ANKS1B: variants seen among roughly 807,000 people sequenced by gnomAD.
ANKS1B encodes the protein ankyrin repeat and sterile alpha motif domain containing 1B.
ANKS1B carries 36 observed loss-of-function variants against 148.3 expected under a neutral mutation model. The observed-to-expected ratio is 0.24, with a 90% CI of 0.19 to 0.32. The LOEUF is 0.32. Among genes scored for constraint, ANKS1B ranks in the 10% least tolerant of loss-of-function variants. The pLI is 1.00. For missense variants in ANKS1B, 1,157 were observed against 1,542.6 expected, an observed-to-expected ratio of 0.75 and a Z score of 4.19; for synonymous variants, 542 against 560.8, an observed-to-expected ratio of 0.97 and a Z score of 0.47.
intron 17 of ANKS1B, among the ~76,000 whole-genome samples, chr12:98,942,981 A>G (rs189228204): frequency 6.6e-6 from 1 of 152,344 alleles, no homozygotes; most frequent in Admixed American, 6.5e-5. Flanking sequence ...AGAAAATTTC[A>G]GTCTTAAAAA....
intron 15 of ANKS1B, among the ~76,000 whole-genome samples, chr12:99,124,565 G>A (rs879791397): frequency 6.6e-6 from 1 of 152,250 alleles, no homozygotes; most frequent in Admixed American, 6.5e-5. Context: ...CAGAGTTCAG[G>A]AGAGATGTCT....
At chr12:99,745,620 C>T (rs1216621014) in intron 8 of ANKS1B, among the ~76,000 whole-genome samples, 1 of 151,994 alleles carries the variant, frequency 6.6e-6, no homozygotes, top group African/African-American at 2.4e-5. Flanking sequence ...TTTGTAAGCA[C>T]AAATTGTAAG....
chr12:99,591,443 TA>T (rs1242026578), intron 9 of ANKS1B, among the ~76,000 whole-genome samples: 2 of 152,036 alleles, frequency 1.3e-5, no homozygotes, highest in Admixed American at 1.3e-4. Flanking sequence ...TCTATATTGG[TA>T]AAAATAATAT....
intron 17 of ANKS1B, among the ~76,000 whole-genome samples, chr12:98,958,976 A>G (rs2099866860): frequency 2.6e-5 from 4 of 152,222 alleles, no homozygotes; most frequent in Admixed American, 2.6e-4. Flanking sequence ...TAATTATAAC[A>G]GCTTAATGGC....
chr12:98,860,517 C>T lies in ANKS1B; in HGVS notation c.2779-28381G>A, dbSNP rs1206200411. Among the ~76,000 whole-genome samples the T allele has an allele frequency of 2.0e-5, 3 of 152,160 alleles. No homozygotes were observed. The East Asian group carries it at 5.8e-4, about 29-fold the overall frequency. On this transcript the variant is annotated intron_variant, in intron 17 of 26. Coordinates refer to ENST00000683438, the MANE Select transcript of ANKS1B (RefSeq NM_001352186.2). Reference sequence around the variant, plus strand: ...TTAGAAGGCAAAAATAAAAAAAGAGCCAGACATTATAAGCCCGTCAATGGA... The same window carrying T: ...TTAGAAGGCAAAAATAAAAAAAGAGTCAGACATTATAAGCCCGTCAATGGA...
chr12:99,639,221 G>A (rs765018610), intron 9 of ANKS1B, among the ~76,000 whole-genome samples: 1 of 152,182 alleles, frequency 6.6e-6, no homozygotes, highest in African/African-American at 2.4e-5. Flanking sequence ...AGACTTGCAC[G>A]GGGCCTGTAG....
intron 9 of ANKS1B, among the ~76,000 whole-genome samples, chr12:99,602,634 T>C (rs974662633): frequency 2.6e-5 from 4 of 152,034 alleles, no homozygotes; most frequent in Non-Finnish European, 4.4e-5. Flanking sequence ...GGCATGAAGG[T>C]TGTTCATACA....
chr12:99,632,762 TATA>T (rs1567523031), intron 9 of ANKS1B, among the ~76,000 whole-genome samples: 2 of 85,708 alleles, frequency 2.3e-5, no homozygotes, highest in African/African-American at 4.2e-5. Context: ...TATATATATA[TATA>T]TATTTTAATT....
At chr12:98,861,064 A>G (rs1420700649) in intron 17 of ANKS1B, among the ~76,000 whole-genome samples, 1 of 152,132 alleles carries the variant, frequency 6.6e-6, no homozygotes, top group Non-Finnish European at 1.5e-5. Flanking sequence ...AGACTCAAAA[A>G]TTCCTGACCC....
chr12:98,897,135 T>C (rs2099765812), intron 17 of ANKS1B, among the ~76,000 whole-genome samples: 2 of 152,164 alleles, frequency 1.3e-5, no homozygotes, highest in South Asian at 4.1e-4. Flanking sequence ...CTAGTGAAAA[T>C]GCTTCTTGGG....
chr12:99,058,574 A>C (rs1469686729), intron 16 of ANKS1B, among the ~76,000 whole-genome samples: 5 of 151,892 alleles, frequency 3.3e-5, no homozygotes, highest in African/African-American at 1.2e-4. Context: ...TATTAACCCT[A>C]AACTAAGTAA....
chr12:99,707,655 C>A (rs1390283152), intron 8 of ANKS1B, among the ~76,000 whole-genome samples: 2 of 151,900 alleles, frequency 1.3e-5, no homozygotes, highest in African/African-American at 4.8e-5. Context: ...TGAAATGGTG[C>A]AGCTTACAGT....
At chr12:99,226,305 T>C (rs1388684989) in intron 14 of ANKS1B, among the ~76,000 whole-genome samples, 2 of 152,204 alleles carry the variant, frequency 1.3e-5, no homozygotes, top group African/African-American at 4.8e-5. Context: ...ATCACAACCA[T>C]TTCATGTGTC....
At chr12:99,051,929 G>A (rs2099966345) in intron 17 of ANKS1B, among the ~76,000 whole-genome samples, 1 of 151,814 alleles carries the variant, frequency 6.6e-6, no homozygotes. Context: ...CGGGACTTTT[G>A]GCGAGAAAGT....
intron 8 of ANKS1B, among the ~76,000 whole-genome samples, chr12:99,687,620 T>C (rs911654698): frequency 6.6e-6 from 1 of 152,188 alleles, no homozygotes; most frequent in Non-Finnish European, 1.5e-5. Context: ...TAATCTCATC[T>C]AGTACACTTT....
At chr12:99,267,575 A>T (rs2076572462) in intron 12 of ANKS1B, among the ~76,000 whole-genome samples, 1 of 152,160 alleles carries the variant, frequency 6.6e-6, no homozygotes, top group African/African-American at 2.4e-5. Flanking sequence ...TCATTCATTC[A>T]TTCATTCATT....
intron 9 of ANKS1B, among the ~76,000 whole-genome samples, chr12:99,542,284 ATTAAAT>A (rs1211434869): frequency 1.3e-5 from 2 of 152,218 alleles, no homozygotes; most frequent in East Asian, 1.9e-4. Context: ...GAAATGCAAA[ATTAAAT>A]TTAAATAAAA....
At chr12:99,124,418 A>ATGTGTGCATGTGTGTGTG (rs2063735122) in intron 15 of ANKS1B, among the ~76,000 whole-genome samples, 1 of 149,862 alleles carries the variant, frequency 6.7e-6, no homozygotes, top group Non-Finnish European at 1.5e-5. Context: ...ATTTGTGTGC[A>ATGTGTGCATGTGTGTGTG]TGTGTGTGTG....
chr12:98,963,778 C>T (rs866635216), intron 17 of ANKS1B, among the ~76,000 whole-genome samples: 3 of 152,022 alleles, frequency 2.0e-5, no homozygotes, highest in South Asian at 4.1e-4. Context: ...ATAACCAGAA[C>T]GTATAAGGAA....
Sources: allele counts gnomAD v4.1 joint callset (sites outside exome capture counted in the v4.1 genomes callset), GRCh38; gene constraint gnomAD v4.1.1; transcripts MANE v1.5; gene names NCBI Gene and HGNC (gene_info 2026-07-23, HGNC 2026-07-21).